RARS1: variants seen among roughly 807,000 people sequenced by gnomAD.
RARS1 encodes the protein arginine--tRNA ligase, cytoplasmic.
RARS1 carries 75 observed loss-of-function variants against 78.7 expected under a neutral mutation model. The ratio of observed to expected loss-of-function variants is 0.95; its 90% CI spans 0.79 to 1.15. The LOEUF (loss-of-function observed/expected upper bound fraction) is 1.15, where lower values mean the gene tolerates loss of function less well. RARS1 is among the 50% of genes most tolerant of loss of function. The pLI, the probability that RARS1 is intolerant of heterozygous loss-of-function variation, is 0.00. For missense variants in RARS1, 787 were observed against 787.5 expected (o/e 1.00, Z 0.01); for synonymous variants, 273 against 268.2 (o/e 1.02, Z -0.18).
intron 12 of RARS1, among the ~76,000 whole-genome samples, chr5:168,515,633 C>T (rs1188499089): frequency 6.6e-6 from 1 of 152,176 alleles, no homozygotes; most frequent in East Asian, 1.9e-4. Context: ...TTTGTATTGG[C>T]CTTATGCTTC....
chr5:168,493,054 T>A, intron 3 of RARS1: 1 of 475,838 alleles, frequency 2.1e-6, no homozygotes, highest in Non-Finnish European at 3.8e-6. Flanking sequence ...ATTTTATATG[T>A]ATTCTCAATA....
At chr5:168,486,642 C>T (rs1433688550) in intron 1 of RARS1, 99 bp downstream of exon 1, 6 of 1,284,224 alleles carry the variant, frequency 4.7e-6, no homozygotes, top group Admixed American at 4.0e-5. Flanking sequence ...AGGCGAGGAC[C>T]ATCCTGGTCC....
intron 4 of RARS1, 178 bp from the exon 5 acceptor site, chr5:168,494,372 G>A: frequency 1.0e-6 from 1 of 985,420 alleles, no homozygotes; most frequent in Non-Finnish European, 1.2e-6. Flanking sequence ...GAGTGGTGAA[G>A]GCTTGAAGTA....
chr5:168,518,554 T>C (rs1301666852), intron 14 of RARS1, among the ~76,000 whole-genome samples: 3 of 152,156 alleles, frequency 2.0e-5, no homozygotes. Flanking sequence ...ACAATGTGTT[T>C]GTGGGTCCCA....
intron 10 of RARS1, 57 bp from the exon 11 acceptor site, chr5:168,506,665 A>C (rs1758452529): frequency 7.8e-7 from 1 of 1,279,074 alleles, no homozygotes; most frequent in South Asian, 1.3e-5. Flanking sequence ...AAGAGCCTTA[A>C]GTCTTTTTTT....
chr5:168,494,932 T>A, intron 5 of RARS1: 1 of 359,916 alleles, frequency 2.8e-6, no homozygotes, highest in Non-Finnish European at 5.0e-6. Flanking sequence ...ATACTGAAAT[T>A]TAATCATTCA....
chr5:168,505,148 T>TATTAA (rs1293785489), intron 9 of RARS1, among the ~76,000 whole-genome samples: 1 of 152,224 alleles, frequency 6.6e-6, no homozygotes, highest in Non-Finnish European at 1.5e-5. Context: ...TTTAACTGCT[T>TATTAA]ATTTTATACT....
chr5:168,506,902 T>A, intron 11 of RARS1, 71 bp downstream of exon 11: 1 of 1,219,242 alleles, frequency 8.2e-7, no homozygotes, highest in Non-Finnish European at 1.2e-6. Context: ...TTTGATACCA[T>A]ATTAGAATTA....
At chr5:168,504,969 G>A (rs1758407521) in intron 9 of RARS1, among the ~76,000 whole-genome samples, 1 of 152,190 alleles carries the variant, frequency 6.6e-6, no homozygotes, top group African/African-American at 2.4e-5. Context: ...GAAAGACCTG[G>A]ATGACAGAGC....
rs974365898 is a variant in RARS1, at chr5:168,495,448, T to C, written c.701+12T>C. On this transcript the variant is annotated intron_variant, in intron 6 of 14. Coordinates refer to ENST00000231572, the MANE Select transcript of RARS1 (RefSeq NM_002887.4). ...TATGACGTGCTCAGGTATGTGCTCT[T>C]GCCTTGCGTACTATTCTCTTTCCTT... The C allele has an allele frequency of 1.9e-6, 3 of 1,610,396 alleles. No homozygotes were observed. Among genetic ancestry groups the C allele is most frequent in the African/African-American group, 2.7e-5 (2 of 74,882 alleles).
chr5:168,497,122 C>T (rs1758209905), intron 6 of RARS1, 106 bp from the exon 7 acceptor site: 1 of 892,424 alleles, frequency 1.1e-6, no homozygotes, highest in South Asian at 3.1e-5. Context: ...TGGTGATGTA[C>T]TGGCATGTAA....
chr5:168,506,715 G>A lies in RARS1; in HGVS notation c.1237-7G>A. The A allele has an allele frequency of 6.3e-7, 1 of 1,594,168 alleles. No homozygotes were observed. Among genetic ancestry groups the A allele is most frequent in the Non-Finnish European group, 8.6e-7 (1 of 1,165,868 alleles). On this transcript the variant is annotated splice_polypyrimidine_tract_variant and splice_region_variant and intron_variant, in intron 10 of 14. Coordinates refer to ENST00000231572, the MANE Select transcript of RARS1 (RefSeq NM_002887.4). Reference sequence around the variant, plus strand: ...GACTAGCAAGTAACTTTCCGTTTCTGTTGTAGTCTGTGCACTTCCAGACAA... The same window carrying A: ...GACTAGCAAGTAACTTTCCGTTTCTATTGTAGTCTGTGCACTTCCAGACAA...
At chr5:168,502,191 T>G in intron 9 of RARS1, 86 bp downstream of exon 9, 2 of 1,496,156 alleles carry the variant, frequency 1.3e-6, no homozygotes, top group Non-Finnish European at 1.8e-6. Context: ...GCCAGCTTCA[T>G]GTACTCATCA....
chr5:168,488,587 C>CT lies in RARS1; in HGVS notation c.46-8dup, dbSNP rs746954761. 6 of 1,594,630 alleles carry CT rather than the reference C, an allele frequency of 3.8e-6. No homozygotes were observed. Among genetic ancestry groups the CT allele is most frequent in the Admixed American group, 1.9e-5 (1 of 54,010 alleles). On this transcript the variant is annotated splice_polypyrimidine_tract_variant and intron_variant, in intron 1 of 14. Transcript: ENST00000231572. ...GTAAGTTTATGGACTGAAAAAAGTG[C>CT]TTTTTTTCCCACAGGAAGAAGAGAT...
chr5:168,492,883 T>A (rs1181740873), intron 3 of RARS1, 36 bp downstream of exon 3: 1 of 1,473,090 alleles, frequency 6.8e-7, no homozygotes, highest in Non-Finnish European at 9.3e-7. Flanking sequence ...TGTTTGATTT[T>A]TTTAAGTATT....
At chr5:168,518,095 T>TTTTTTTTTTTTTTTA in intron 14 of RARS1, 33 bp downstream of exon 14, 1 of 1,338,144 alleles carries the variant, frequency 7.5e-7, no homozygotes, top group Non-Finnish European at 9.8e-7. Flanking sequence ...TTTTTTTTTT[T>TTTTTTTTTTTTTTTA]AGTGAGAGAC....
At chr5:168,505,440 CAG>C (rs1758419145) in intron 9 of RARS1, among the ~76,000 whole-genome samples, 1 of 152,152 alleles carries the variant, frequency 6.6e-6, no homozygotes, top group Admixed American at 6.5e-5. Flanking sequence ...GACCTTGAAA[CAG>C]TGTCAACTAC....
intron 11 of RARS1, among the ~76,000 whole-genome samples, chr5:168,509,244 A>G (rs912778794): frequency 5.9e-5 from 9 of 152,240 alleles, no homozygotes; most frequent in Non-Finnish European, 1.3e-4. Context: ...AAAGAAAGCT[A>G]TGGAAATATA....
At position 168,506,090 on chromosome 5, in the gene RARS1, T is replaced by A. The variant is rs146939849; in HGVS notation, c.1127T>A (p.Val376Glu). Residue 376 changes from valine to glutamate, a missense_variant, in exon 10 of 15, where the codon GTA becomes GAA. By Grantham distance (121) the Val-to-Glu change is moderately radical. Transcript: ENST00000231572. ...GGGTGTTCCATACCATTAACCATAGTAAAATCAGATGGAGGTTATACCTAT... is the reference window on the plus strand; with the variant it reads ...GGGTGTTCCATACCATTAACCATAGAAAAATCAGATGGAGGTTATACCTAT... ...VPGCSIPLTI[V>E]KSDGGYTYDT... 7.7e-4 allele frequency: 1,240 copies of A among 1,607,474 alleles called. 5 individuals carry two copies. The Middle Eastern group carries it at 0.018, about 23-fold the overall frequency.
Sources: allele counts gnomAD v4.1 joint callset (sites outside exome capture counted in the v4.1 genomes callset), GRCh38; gene constraint gnomAD v4.1.1; transcripts MANE v1.5; gene names NCBI Gene and HGNC (gene_info 2026-07-23, HGNC 2026-07-21).